Variants in DPYSL4 observed in about 807,000 individuals in gnomAD.
The protein encoded by DPYSL4 is dihydropyrimidinase-related protein 4.
DPYSL4 carries 43 observed loss-of-function variants against 63.4 expected under a neutral mutation model. The observed-to-expected ratio is 0.68, with a 90% CI of 0.53 to 0.88. DPYSL4 has a LOEUF of 0.88. DPYSL4 is among the 40% of genes least tolerant of loss of function. The pLI is 0.00. For synonymous variants in DPYSL4, 353 were observed against 331.7 expected, an observed-to-expected ratio of 1.06 and a Z score of -0.70; for missense variants, 733 against 819.5, an observed-to-expected ratio of 0.89 and a Z score of 1.29.
intron 10 of DPYSL4, among the ~76,000 whole-genome samples, 154 bp downstream of exon 10, chr10:132,201,137 G>A (rs948010470): frequency 2.0e-5 from 3 of 152,076 alleles, no homozygotes; most frequent in Non-Finnish European, 2.9e-5. Context: ...CACCCAGGGC[G>A]CCTCAGACAC....
In DPYSL4 at chr10:132,203,800, C is replaced by T. The variant is rs371977334; in HGVS notation, c.1500C>T (p.Asp500=). ...ACGGTGTGCCCCGTGGACTGTATGACGGGCCCGTCCACGAGGTGATGGTGC... is the reference window on the plus strand; with the variant it reads ...ACGGTGTGCCCCGTGGACTGTATGATGGGCCCGTCCACGAGGTGATGGTGC... ...EIHGVPRGLY[D]GPVHEVMVPA... Residue 500 remains aspartate (D), a synonymous_variant, in exon 13 of 14, where the codon GAC becomes GAT. Transcript: ENST00000338492. 360 of 1,612,322 alleles carry T rather than the reference C, an allele frequency of 2.2e-4. 1 individual carries two copies. Among genetic ancestry groups the T allele is most frequent in the South Asian group, 1.6e-3 (149 of 91,032 alleles).
chr10:132,194,731 C>T, intron 3 of DPYSL4, 114 bp from the exon 4 acceptor site: 1 of 1,380,404 alleles, frequency 7.2e-7, no homozygotes, highest in Non-Finnish European at 1.0e-6. Flanking sequence ...TGCTGTGTCT[C>T]CCTCAAATGG....
intron 3 of DPYSL4, among the ~76,000 whole-genome samples, chr10:132,194,341 A>C (rs886769827): frequency 6.6e-6 from 1 of 152,240 alleles, no homozygotes; most frequent in Non-Finnish European, 1.5e-5. Context: ...GGGCAGCAGC[A>C]TGATGGCTGT....
At chr10:132,190,459 T>A (rs770128944) in intron 1 of DPYSL4, among the ~76,000 whole-genome samples, 10 of 152,210 alleles carry the variant, frequency 6.6e-5, no homozygotes, top group Non-Finnish European at 1.2e-4. Flanking sequence ...TCAGAAGATA[T>A]AAATATGACC....
At chr10:132,201,890 G>T in intron 10 of DPYSL4, 56 bp from the exon 11 acceptor site, 1 of 1,556,742 alleles carries the variant, frequency 6.4e-7, no homozygotes, top group African/African-American at 1.4e-5. Context: ...CTGTCCTCGC[G>T]CAAGCCTCAC....
chr10:132,194,504 T>C (rs537308844), intron 3 of DPYSL4, among the ~76,000 whole-genome samples: 14 of 152,322 alleles, frequency 9.2e-5, no homozygotes, highest in African/African-American at 3.4e-4. Context: ...TCACCCAGCC[T>C]GACAGGAGCT....
chr10:132,199,053 C>G lies in DPYSL4; in HGVS notation c.811+82C>G, dbSNP rs1299124035. The stretch of plus-strand genomic sequence containing the variant: ...GCAGCCCTGGGGAGATGCAGGTTCC[C>G]TGAGTCCCTGCATCGGGGCGGGGCA... On this transcript the variant is annotated intron_variant, in intron 8 of 13. Transcript: ENST00000338492. The G allele has an allele frequency of 1.3e-5, 20 of 1,517,318 alleles. No individual in the cohort carries two copies. In the East Asian group the frequency reaches 4.1e-4, roughly 31 times the overall value. 94.0% of individuals were successfully genotyped at this position (1,517,318 alleles called of 1,614,324 possible).
At chr10:132,201,054 A>G in intron 10 of DPYSL4, 71 bp downstream of exon 10, 1 of 1,570,848 alleles carries the variant, frequency 6.4e-7, no homozygotes, top group Non-Finnish European at 8.6e-7. Flanking sequence ...GGCTGGTCAG[A>G]AGGGAGCCCA....
chr10:132,192,225 T>C (rs1334028546), intron 2 of DPYSL4: 10 of 775,056 alleles, frequency 1.3e-5, no homozygotes, highest in Non-Finnish European at 1.4e-5. Context: ...CAGAGGTATG[T>C]TGGGTGGCTG....
intron 3 of DPYSL4, 141 bp from the exon 4 acceptor site, chr10:132,194,704 C>G: frequency 9.4e-7 from 1 of 1,066,330 alleles, no homozygotes; most frequent in Non-Finnish European, 1.4e-6. Context: ...CATCCTCTCT[C>G]AGGGGCCGGT....
At chr10:132,193,025 C>G (rs1441315644) in intron 3 of DPYSL4, among the ~76,000 whole-genome samples, 183 bp downstream of exon 3, 1 of 152,126 alleles carries the variant, frequency 6.6e-6, no homozygotes, top group Non-Finnish European at 1.5e-5. Context: ...CTGGGTGTTT[C>G]TGTGTGGCCA....
chr10:132,192,843 G>A lies in DPYSL4; in HGVS notation c.313+1G>A, dbSNP rs760311565. 1 of 1,605,806 alleles carries A rather than the reference G, an allele frequency of 6.2e-7. No homozygotes were observed. The highest frequency in any genetic ancestry group is 8.5e-7 in the Non-Finnish European group (1 of 1,175,954). On this transcript the variant is annotated splice_donor_variant, in intron 3 of 13. Transcript: ENST00000338492. LOFTEE classifies it high-confidence loss of function. ...CTAGCAGGAGGAACCACCATGATCT[G>A]TGAGTGTCTGGGTCTCCTCCTCTAC...
In DPYSL4 at chr10:132,186,994, T is replaced by TCCGGCCCCC. The variant is rs1304489463; in HGVS notation, c.-68_-67insGGCCCCCCC. ...CCACGCACGCGTCCCGGCTCACGCG[T>TCCGGCCCCC]CCCCCCGCCCGCCCGCCCGCCCGCC... On this transcript the variant is annotated 5_prime_UTR_variant, in exon 1 of 14. Transcript: ENST00000338492. The TCCGGCCCCC allele has an allele frequency of 4.5e-4, 99 of 218,968 alleles. 2 individuals carry two copies. Among genetic ancestry groups the TCCGGCCCCC allele is most frequent in the South Asian group, 1.9e-3 (25 of 13,454 alleles). 13.6% of individuals were successfully genotyped at this position (218,968 alleles called of 1,614,324 possible).
rs778250223 is a variant in DPYSL4 at position 132,200,843 on chromosome 10, G to C, written c.970G>C (p.Gly324Arg). The change falls in exon 10 of 14, where the codon GGG becomes CGG. Residue 324 changes from glycine to arginine, a missense_variant and splice_region_variant. Coordinates refer to ENST00000338492, the MANE Select transcript of DPYSL4 (RefSeq NM_006426.3). Reference protein sequence around the residue: ...ADHLTCLLSSGDLQVTGSAHC... With the variant: ...ADHLTCLLSSRDLQVTGSAHC... ...CCTCTGACCCTGGCTTGTTTCCAGC[G>C]GGGACCTCCAGGTGACAGGCAGCGC... 8.7e-6 allele frequency: 14 copies of C among 1,612,094 alleles called. No homozygotes were observed. In the Admixed American group the frequency reaches 2.3e-4, roughly 27 times the overall value.
rs2061975757 is a variant in DPYSL4, at chr10:132,198,746, C to A, written c.691-105C>A. ...GCTGGGCCGCTCCTACTAGGCTGCC[C>A]TGAGCCTGGGATCCCATGGGTGACA... On this transcript the variant is annotated intron_variant, in intron 7 of 13. Transcript: ENST00000338492. 4 of 1,523,892 alleles carry A rather than the reference C, an allele frequency of 2.6e-6. No individual in the cohort carries two copies. In the African/African-American group the frequency reaches 4.1e-5, roughly 16 times the overall value. 94.4% of individuals were successfully genotyped at this position (1,523,892 alleles called of 1,614,324 possible).
At position 132,200,903 on chromosome 10, in the gene DPYSL4, G is replaced by T; in HGVS notation, c.1030G>T (p.Gly344Cys). ...CTTCACCACTGCCCAGAAGGCTGTG[G>T]GCAAGGACAACTTCGCGCTGATCCC... ...CTFTTAQKAV[G>C]KDNFALIPEG... The change falls in exon 10 of 14, where the codon GGC becomes TGC. Residue 344 changes from glycine (G) to cysteine (C), a missense_variant. Gly to Cys is a radical substitution (Grantham distance 159). Transcript: ENST00000338492. The T allele has an allele frequency of 6.2e-7, 1 of 1,613,250 alleles. No individual in the cohort carries two copies. The highest frequency in any genetic ancestry group is 8.5e-7 in the Non-Finnish European group (1 of 1,179,972).
intron 3 of DPYSL4, among the ~76,000 whole-genome samples, chr10:132,194,180 G>A (rs1196697279): frequency 1.3e-5 from 2 of 152,238 alleles, no homozygotes; most frequent in African/African-American, 4.8e-5. Flanking sequence ...TCATCTTGTT[G>A]GGATGAGTAG....
At chr10:132,190,969 G>T (rs1467319593) in intron 2 of DPYSL4, 134 bp downstream of exon 2, 22 of 770,378 alleles carry the variant, frequency 2.9e-5, no homozygotes, top group Non-Finnish European at 3.8e-5. Context: ...GCAGGTGAAA[G>T]TATGTTCCCA....
rs78866483 is a variant in DPYSL4 at position 132,201,616 on chromosome 10, G to A, written c.1111-330G>A. 1.3e-3 allele frequency among the ~76,000 whole-genome samples: 192 copies of A among 152,342 alleles called. 3 individuals carry two copies. In the East Asian group the frequency reaches 0.025, roughly 20 times the overall value. The stretch of plus-strand genomic sequence containing the variant: ...CGTTCTTACCCCAGGGGTTACTCAG[G>A]CGTTCTTACCCTGAGTGTTGCCATG... On this transcript the variant is annotated intron_variant, in intron 10 of 13. Transcript: ENST00000338492.
Sources: allele counts gnomAD v4.1 joint callset (sites outside exome capture counted in the v4.1 genomes callset), GRCh38; gene constraint gnomAD v4.1.1; transcripts MANE v1.5; gene names NCBI Gene and HGNC (gene_info 2026-07-23, HGNC 2026-07-21).